PSD3: variants seen among roughly 807,000 people sequenced by gnomAD.
The protein encoded by PSD3 is pleckstrin and Sec7 domain containing 3, also known as PH and SEC7 domain-containing protein 3.
PSD3 carries 49 observed loss-of-function variants against 105.5 expected under a neutral mutation model. The ratio of observed to expected loss-of-function variants is 0.46; its 90% CI spans 0.37 to 0.59. PSD3 has a LOEUF of 0.59. Among genes scored for constraint, PSD3 ranks in the 20% least tolerant of loss-of-function variants. PSD3 has a pLI of 0.00. For missense variants in PSD3, 1,561 were observed against 1,263.8 expected (o/e 1.24, Z -3.57); for synonymous variants, 557 against 457.8 (o/e 1.22, Z -2.77).
At chr8:19,004,644 C>T (rs1001349373) in intron 1 of PSD3, among the ~76,000 whole-genome samples, 27 of 152,040 alleles carry the variant, frequency 1.8e-4, no homozygotes, top group African/African-American at 6.5e-4. Flanking sequence ...AGACACTTCT[C>T]CAAAGAAAAT....
intron 9 of PSD3, among the ~76,000 whole-genome samples, chr8:18,698,905 A>T (rs924379317): frequency 6.6e-6 from 1 of 152,242 alleles, no homozygotes; most frequent in Non-Finnish European, 1.5e-5. Flanking sequence ...AAATATGTAG[A>T]AACACTATCA....
At chr8:18,603,908 C>T (rs1345461556) in intron 11 of PSD3, among the ~76,000 whole-genome samples, 1 of 152,198 alleles carries the variant, frequency 6.6e-6, no homozygotes, top group Admixed American at 6.5e-5. Context: ...ATGCCAACAT[C>T]ATGCTTCCTG....
At chr8:18,584,300 G>A (rs1443227826) in intron 12 of PSD3, among the ~76,000 whole-genome samples, 1 of 152,194 alleles carries the variant, frequency 6.6e-6, no homozygotes, top group Admixed American at 6.6e-5. Flanking sequence ...TTGCTGTGCA[G>A]TGGCCAAGTT....
intron 13 of PSD3, among the ~76,000 whole-genome samples, chr8:18,573,052 T>C (rs1802238772): frequency 6.6e-6 from 1 of 152,198 alleles, no homozygotes; most frequent in Non-Finnish European, 1.5e-5. Context: ...AATGCATTGG[T>C]AGAGGGAAGG....
chr8:18,955,251 T>A (rs1823494143), intron 1 of PSD3, among the ~76,000 whole-genome samples: 1 of 152,008 alleles, frequency 6.6e-6, no homozygotes, highest in Non-Finnish European at 1.5e-5. Flanking sequence ...GTCTCTTTTG[T>A]GTTTTTAGAG....
At chr8:19,018,687 A>G (rs1827256490), upstream of PSD3, among the ~76,000 whole-genome samples, 1 of 152,234 alleles carries the variant, frequency 6.6e-6, no homozygotes, top group Non-Finnish European at 1.5e-5. Flanking sequence ...TTGGGCATTA[A>G]AGATAGAGGT....
intron 1 of PSD3, among the ~76,000 whole-genome samples, chr8:18,937,648 G>GA (rs1440801565): frequency 6.6e-6 from 1 of 152,076 alleles, no homozygotes; most frequent in African/African-American, 2.4e-5. Context: ...GTATCGGTCT[G>GA]AAAAAAGGTG....
chr8:19,017,837 T>G (rs915633754), upstream of PSD3, among the ~76,000 whole-genome samples: 3 of 152,240 alleles, frequency 2.0e-5, no homozygotes, highest in African/African-American at 7.2e-5. Flanking sequence ...TTTCTACTTT[T>G]TGGCTGTTAG....
chr8:18,868,608 C>T (rs1390691470), intron 3 of PSD3, among the ~76,000 whole-genome samples: 1 of 152,066 alleles, frequency 6.6e-6, no homozygotes, highest in East Asian at 1.9e-4. Context: ...ATTTCACGTC[C>T]AAAATTAGAT....
At chr8:18,825,331 G>A (rs562374900) in intron 4 of PSD3, among the ~76,000 whole-genome samples, 3 of 152,288 alleles carry the variant, frequency 2.0e-5, no homozygotes, top group Middle Eastern at 3.4e-3. Context: ...GTGTCTGTAA[G>A]AGTCACCTGG....
At chr8:18,688,888 T>A (rs563611820) in intron 9 of PSD3, among the ~76,000 whole-genome samples, 1 of 152,346 alleles carries the variant, frequency 6.6e-6, no homozygotes, top group African/African-American at 2.4e-5. Context: ...AGCAGCTGTT[T>A]AAAGGTACAA....
intron 8 of PSD3, among the ~76,000 whole-genome samples, chr8:18,773,433 C>G (rs965340413): frequency 6.6e-6 from 1 of 152,016 alleles, no homozygotes; most frequent in Non-Finnish European, 1.5e-5. Flanking sequence ...TAACTCTGTT[C>G]TTTTTCAAAA....
At chr8:18,864,666 G>C (rs543206902) in intron 4 of PSD3, 1 of 152,120 alleles carries the variant, frequency 6.6e-6, no homozygotes, top group Non-Finnish European at 1.5e-5. Flanking sequence ...CAGGAGAGGC[G>C]AGTGAACACA....
At chr8:18,574,356 T>G (rs2634428) in intron 13 of PSD3, among the ~76,000 whole-genome samples, 130,721 of 152,122 alleles carry the variant, frequency 0.86, 56,556 homozygotes, top group South Asian at 0.94. Context: ...AGTTATTACA[T>G]CTGGTATTTT....
chr8:18,620,434 G>C (rs1040078649), intron 11 of PSD3, among the ~76,000 whole-genome samples: 2 of 151,948 alleles, frequency 1.3e-5, no homozygotes, highest in South Asian at 2.1e-4. Context: ...GGAGGGCCAG[G>C]CATGGTGGCT....
At chr8:18,846,305 G>C (rs1489865216) in intron 4 of PSD3, among the ~76,000 whole-genome samples, 1 of 152,230 alleles carries the variant, frequency 6.6e-6, no homozygotes, top group African/African-American at 2.4e-5. Flanking sequence ...AAGGGCACAA[G>C]TAGGCCCTTC....
chr8:18,893,031 T>C (rs77596742), intron 2 of PSD3, among the ~76,000 whole-genome samples: 13 of 152,318 alleles, frequency 8.5e-5, no homozygotes, highest in Non-Finnish European at 1.3e-4. Flanking sequence ...GTCAGTGATA[T>C]GTATCTGTTT....
intron 11 of PSD3, 94 bp from the exon 12 acceptor site, chr8:18,600,528 C>G: frequency 2.0e-6 from 2 of 1,002,164 alleles, no homozygotes; most frequent in South Asian, 3.0e-5. Context: ...TTTCAATATT[C>G]TACCTAGCTA....
chr8:18,818,035 C>G (rs139801551), intron 4 of PSD3, among the ~76,000 whole-genome samples: 1 of 152,264 alleles, frequency 6.6e-6, no homozygotes, highest in East Asian at 1.9e-4. Context: ...CTCACTGCAA[C>G]CTCTGCCTCC....
Sources: allele counts gnomAD v4.1 joint callset (sites outside exome capture counted in the v4.1 genomes callset), GRCh38; gene constraint gnomAD v4.1.1; transcripts MANE v1.5; gene names NCBI Gene and HGNC (gene_info 2026-07-23, HGNC 2026-07-21).